The following LGR6 variants were observed in gnomAD, a reference collection of about 807,000 sequenced individuals.
LGR6 encodes the protein leucine-rich repeat-containing G protein-coupled receptor 6.
In LGR6, 45 loss-of-function variants were observed where a neutral mutation model predicts 69.4. The ratio of observed to expected loss-of-function variants is 0.65; its 90% CI spans 0.51 to 0.83. The LOEUF (loss-of-function observed/expected upper bound fraction) is 0.83. LGR6 is among the 40% of genes least tolerant of loss of function. LGR6 has a pLI of 0.00. For synonymous variants in LGR6, 538 were observed against 555.0 expected (o/e 0.97, Z 0.43); for missense variants, 1,108 against 1,246.7 (o/e 0.89, Z 1.68).
intron 4 of LGR6, among the ~76,000 whole-genome samples, chr1:202,260,340 A>G (rs1338927874): frequency 6.6e-6 from 1 of 151,262 alleles, no homozygotes; most frequent in Admixed American, 6.6e-5. Context: ...CTCCTGGACT[A>G]TTTTATTTTT....
chr1:202,242,640 C>T (rs1313777211), intron 4 of LGR6, among the ~76,000 whole-genome samples: 1 of 152,116 alleles, frequency 6.6e-6, no homozygotes, highest in African/African-American at 2.4e-5. Context: ...TTTTTTGAAC[C>T]CTTCCAGTCT....
chr1:202,195,899 CA>C (rs1233659717), intron 1 of LGR6, among the ~76,000 whole-genome samples: 3 of 152,158 alleles, frequency 2.0e-5, no homozygotes, highest in Admixed American at 1.3e-4. Context: ...GGTACACTGT[CA>C]CCTTTGGAAT....
At chr1:202,272,768 C>T (rs1007250184) in intron 4 of LGR6, among the ~76,000 whole-genome samples, 6 of 152,262 alleles carry the variant, frequency 3.9e-5, no homozygotes, top group Admixed American at 1.3e-4. Flanking sequence ...GGCCAGCAAA[C>T]GTGTGTACTC....
At chr1:202,245,692 T>G (rs1226881629) in intron 4 of LGR6, among the ~76,000 whole-genome samples, 1 of 152,118 alleles carries the variant, frequency 6.6e-6, no homozygotes, top group Non-Finnish European at 1.5e-5. Context: ...AGCTCAGATT[T>G]GGTGTAGGTG....
intron 17 of LGR6, 76 bp from the exon 18 acceptor site, chr1:202,317,876 C>A: frequency 7.2e-7 from 1 of 1,379,898 alleles, no homozygotes; most frequent in Non-Finnish European, 9.9e-7. Flanking sequence ...TCTCTGAATA[C>A]AGAGGCTGAC....
At chr1:202,195,542 C>T (rs1040941960) in intron 1 of LGR6, among the ~76,000 whole-genome samples, 2 of 152,186 alleles carry the variant, frequency 1.3e-5, no homozygotes, top group African/African-American at 4.8e-5. Context: ...CAGTAGGTGA[C>T]GGCAGAGGCA....
chr1:202,227,331 T>C (rs1660634930), intron 2 of LGR6, among the ~76,000 whole-genome samples: 1 of 152,218 alleles, frequency 6.6e-6, no homozygotes, highest in Non-Finnish European at 1.5e-5. Flanking sequence ...GGTTTCAGCA[T>C]TGAGTGTATT....
chr1:202,203,876 G>C, intron 1 of LGR6: 1 of 1,611,754 alleles, frequency 6.2e-7, no homozygotes, highest in Non-Finnish European at 8.5e-7. Context: ...TCTCTGCCCG[G>C]TGAGTTGTTG....
intron 6 of LGR6, among the ~76,000 whole-genome samples, chr1:202,289,864 CTG>C (rs1666667650): frequency 6.6e-6 from 1 of 152,202 alleles, no homozygotes; most frequent in Admixed American, 6.5e-5. Flanking sequence ...TCCAAAATTT[CTG>C]TGTTTTGCAT....
At chr1:202,255,537 G>A (rs770827842) in intron 4 of LGR6, among the ~76,000 whole-genome samples, 1 of 152,008 alleles carries the variant, frequency 6.6e-6, no homozygotes. Context: ...CTCCCTTGCC[G>A]GCCCCCCTTA....
rs1654448152 is a variant in LGR6, at chr1:202,319,295, CA to C, written c.*92del. 1.3e-5 allele frequency: 18 copies of C among 1,364,852 alleles called. No homozygotes were observed. The highest frequency in any genetic ancestry group is 4.4e-5 in the African/African-American group (3 of 68,362). The allele number at this position is 1,364,852 out of a possible 1,614,324, so 84.5% of individuals were successfully genotyped here. On this transcript the variant is annotated 3_prime_UTR_variant, in exon 18 of 18. Coordinates refer to ENST00000367278, the MANE Select transcript of LGR6 (RefSeq NM_001017403.2). ...TGGCTGCTTCTAAAACAAATACAAC[CA>C]AAACTCAGCAGTGTGATCTATAGCA... is the stretch of plus-strand genomic sequence containing the variant.
intron 4 of LGR6, among the ~76,000 whole-genome samples, chr1:202,249,472 C>G (rs1168956664): frequency 6.6e-6 from 1 of 152,178 alleles, no homozygotes; most frequent in Non-Finnish European, 1.5e-5. Flanking sequence ...TCAGTAACTA[C>G]CTGTGTACTG....
Position 202,310,422 on chromosome 1 carries a change from G to A in LGR6, c.1567+65G>A, listed in dbSNP as rs1306466369. The A allele has an allele frequency of 2.7e-6, 4 of 1,501,046 alleles. No homozygotes were observed. The African/African-American group carries it at 4.2e-5, about 16-fold the overall frequency. The allele number at this position is 1,501,046 out of a possible 1,614,324, so 93.0% of individuals were successfully genotyped here. A position where few individuals can be genotyped will look rare whatever the true frequency, so the allele number is the denominator to read the frequency against. On this transcript the variant is annotated intron_variant, in intron 16 of 17. Coordinates refer to ENST00000367278, the MANE Select transcript of LGR6 (RefSeq NM_001017403.2). ...CTGTGGAGAGGAAGTTAGAGGGGAT[G>A]CTTGGGGGACCTGAGAGGGAATCTG...
Position 202,318,293 on chromosome 1 carries a change from G to A in LGR6, c.1990G>A (p.Ala664Thr), listed in dbSNP as rs777351453. 8.8e-6 allele frequency: 14 copies of A among 1,595,770 alleles called. No homozygotes were observed. The highest frequency in any genetic ancestry group is 4.5e-5 in the East Asian group (2 of 44,548). ...ATCGGTGCTGCTGCTCACTCTGGCC[G>A]CAGTGCAGTGCAGCGTCTCCGTCTC... Reference protein sequence around the residue: ...EASVLLLTLAAVQCSVSVSCV... With the variant: ...EASVLLLTLATVQCSVSVSCV... Residue 664 changes from alanine (A) to threonine (T), a missense_variant, in exon 18 of 18, where the codon GCA (alanine) becomes ACA (threonine). Transcript: ENST00000367278.
chr1:202,276,024 G>A (rs927106138), intron 4 of LGR6, among the ~76,000 whole-genome samples: 1 of 152,182 alleles, frequency 6.6e-6, no homozygotes, highest in Admixed American at 6.5e-5. Context: ...TTGGTGGGAG[G>A]TGGAGGTTGC....
In LGR6 at chr1:202,318,078, T is replaced by G. The variant is rs788795; in HGVS notation, c.1775T>G (p.Val592Gly). 6.2e-7 allele frequency: 1 copy of G among 1,613,982 alleles called. No individual in the cohort carries two copies. The highest frequency in any genetic ancestry group is 8.5e-7 in the Non-Finnish European group (1 of 1,179,990). ...CTGACCGTGTTCGCTGGCGGGCCTGTCCCCCTGCCCCCGGTCAAGTTTGTG... is the reference window on the plus strand; with the variant it reads ...CTGACCGTGTTCGCTGGCGGGCCTGGCCCCCTGCCCCCGGTCAAGTTTGTG... The part of the protein sequence containing the change: ...VLLTVFAGGP[V>G]PLPPVKFVVG... The change falls in exon 18 of 18, where the codon GTC (valine) becomes GGC (glycine). Residue 592 changes from valine to glycine, a missense_variant. Physicochemically the swap from Val to Gly is moderately radical, Grantham distance 109 (BLOSUM62 -3). Coordinates refer to ENST00000367278, the MANE Select transcript of LGR6 (RefSeq NM_001017403.2).
At chr1:202,263,775 A>G (rs547378817) in intron 4 of LGR6, among the ~76,000 whole-genome samples, 2 of 152,326 alleles carry the variant, frequency 1.3e-5, no homozygotes, top group East Asian at 3.9e-4. Context: ...CTATACAAAG[A>G]TCCAAAGATG....
chr1:202,292,850 GTTAAT>G (rs1196646165), intron 6 of LGR6, among the ~76,000 whole-genome samples: 9 of 152,224 alleles, frequency 5.9e-5, no homozygotes, highest in Admixed American at 1.3e-4. Flanking sequence ...TTTATTTGTA[GTTAAT>G]TTAAATAGCC....
chr1:202,194,708 G>GA (rs1571797907), intron 1 of LGR6: 2 of 277,036 alleles, frequency 7.2e-6, no homozygotes, highest in Non-Finnish European at 1.5e-5. Context: ...GTGGGGGCGG[G>GA]GGGGGCGGGT....
Sources: allele counts gnomAD v4.1 joint callset (sites outside exome capture counted in the v4.1 genomes callset), GRCh38; gene constraint gnomAD v4.1.1; transcripts MANE v1.5; gene names NCBI Gene and HGNC (gene_info 2026-07-23, HGNC 2026-07-21).